The following FMNL2 variants were observed in gnomAD, a reference collection of about 807,000 sequenced individuals.
The protein encoded by FMNL2 is formin like 2, also known as formin-like protein 2.
In FMNL2, 51 loss-of-function variants were observed where a neutral mutation model predicts 130.2. The ratio of observed to expected loss-of-function variants is 0.39; its 90% CI spans 0.31 to 0.49. The LOEUF is 0.49. FMNL2 is among the 20% of genes least tolerant of loss of function. The pLI is 0.85. For synonymous variants in FMNL2, 465 were observed against 467.1 expected (o/e 1.00, Z 0.06); for missense variants, 977 against 1,316.2 (o/e 0.74, Z 3.99).
At chr2:152,633,376 G>A (rs1040128561) in intron 21 of FMNL2, among the ~76,000 whole-genome samples, 17 of 152,158 alleles carry the variant, frequency 1.1e-4, no homozygotes, top group Non-Finnish European at 2.4e-4. Flanking sequence ...GAGTACAGGT[G>A]TGAGTTACCA....
intron 1 of FMNL2, among the ~76,000 whole-genome samples, chr2:152,519,846 A>G (rs2105393415): frequency 6.6e-6 from 1 of 152,226 alleles, no homozygotes; most frequent in Admixed American, 6.5e-5. Context: ...TTATATCTCG[A>G]GATTAGTGAG....
At chr2:152,353,152 C>T (rs1296929590) in intron 1 of FMNL2, among the ~76,000 whole-genome samples, 2 of 152,142 alleles carry the variant, frequency 1.3e-5, no homozygotes, top group East Asian at 3.8e-4. Context: ...TATTTAAAGG[C>T]ATTTATCATA....
rs545949733 is a variant in FMNL2, at chr2:152,596,911, G to A, written c.877-10428G>A. The stretch of plus-strand genomic sequence containing the variant: ...AAAGGTTAGTCACAAAGTAGAATCC[G>A]AAATCGTATCGATGAACTTTTTCCA... On this transcript the variant is annotated intron_variant, in intron 9 of 25. Transcript: ENST00000288670. Among the ~76,000 whole-genome samples, 4 of 152,296 alleles carry A rather than the reference G, an allele frequency of 2.6e-5. No homozygotes were observed. The East Asian group carries it at 5.8e-4, about 22-fold the overall frequency.
intron 1 of FMNL2, among the ~76,000 whole-genome samples, chr2:152,350,565 A>G (rs564434032): frequency 6.6e-6 from 1 of 152,354 alleles, no homozygotes; most frequent in South Asian, 2.1e-4. Flanking sequence ...TCTGAAGGCC[A>G]GTACTTAGAA....
chr2:152,441,790 A>G (rs906902112), intron 1 of FMNL2, among the ~76,000 whole-genome samples: 2 of 151,898 alleles, frequency 1.3e-5, no homozygotes, highest in African/African-American at 4.8e-5. Flanking sequence ...AGCTAAGATC[A>G]TGCCACTGCA....
intron 1 of FMNL2, among the ~76,000 whole-genome samples, chr2:152,380,059 C>G (rs1299140859): frequency 1.3e-5 from 2 of 152,334 alleles, no homozygotes; most frequent in East Asian, 3.9e-4. Flanking sequence ...ATGGATCTAT[C>G]TGGTTAATTG....
chr2:152,625,482 G>T lies in FMNL2; in HGVS notation c.1882G>T (p.Val628Leu), dbSNP rs1681722008. ...AATCAAGACGAAGTTCAGAATGCCA[G>T]TGTTTAACTGGGTTGCTCTGAAGCC... ...KPIKTKFRMP[V>L]FNWVALKPNQ... is the part of the protein sequence containing the mutation. The change falls in exon 16 of 26, where the codon GTG becomes TTG. Residue 628 changes from valine (V) to leucine (L), a missense_variant. This residue lies in a region of FMNL2 where 689 missense variants were observed against 995.9 expected (regional missense o/e 0.69). Transcript: ENST00000288670. The T allele has an allele frequency of 6.2e-7, 1 of 1,611,716 alleles. No individual in the cohort carries two copies.
At chr2:152,392,390 T>C (rs1368152189) in intron 1 of FMNL2, among the ~76,000 whole-genome samples, 7 of 152,182 alleles carry the variant, frequency 4.6e-5, no homozygotes, top group Non-Finnish European at 1.0e-4. Flanking sequence ...GAGATGGTTA[T>C]TCCTTTTTTC....
chr2:152,529,160 AT>A (rs1159643826), intron 2 of FMNL2, among the ~76,000 whole-genome samples: 1 of 152,194 alleles, frequency 6.6e-6, no homozygotes, highest in Non-Finnish European at 1.5e-5. Flanking sequence ...GCCCTTATGT[AT>A]TCATTAATTT....
At position 152,619,033 on chromosome 2, in the gene FMNL2, C is replaced by T. The variant is rs1025133270; in HGVS notation, c.1502C>T (p.Thr501Ile). 2.5e-6 allele frequency: 4 copies of T among 1,613,938 alleles called. No homozygotes were observed. The highest frequency in any genetic ancestry group is 3.4e-6 in the Non-Finnish European group (4 of 1,179,916). ...IAILPVVASG[T>I]LSMGSEVVAG... ...ATACTGCCAGTTGTGGCTTCTGGCA[C>T]ATTGTCCATGGGGTCAGAAGTGGTA... Residue 501 changes from threonine (T) to isoleucine (I), a missense_variant, in exon 14 of 26, where the codon ACA (threonine) becomes ATA (isoleucine). Transcript: ENST00000288670.
chr2:152,536,372 A>C (rs947260154), intron 2 of FMNL2, among the ~76,000 whole-genome samples: 4 of 152,228 alleles, frequency 2.6e-5, no homozygotes, highest in Admixed American at 2.6e-4. Flanking sequence ...TAAATCTTAC[A>C]AATTAGTACT....
At position 152,617,653 on chromosome 2, in the gene FMNL2, A is replaced by G. The variant is rs1471636121; in HGVS notation, c.1314+461A>G. 4.7e-5 allele frequency among the ~76,000 whole-genome samples: 7 copies of G among 148,920 alleles called. No individual in the cohort carries two copies. The East Asian group carries it at 1.4e-3, about 29-fold the overall frequency. On this transcript the variant is annotated intron_variant, in intron 13 of 25. Coordinates refer to ENST00000288670, the MANE Select transcript of FMNL2 (RefSeq NM_052905.4). ...AGGCTAGGCTTAATGGCATTCACCAAAAAAAGGGAGGGGATGTGCAAAGCA... is the reference window on the plus strand; with the variant it reads ...AGGCTAGGCTTAATGGCATTCACCAGAAAAAGGGAGGGGATGTGCAAAGCA...
At position 152,581,822 on chromosome 2, in the gene FMNL2, C is replaced by T. The variant is rs117917642; in HGVS notation, c.876+773C>T. On this transcript the variant is annotated intron_variant, in intron 9 of 25. Coordinates refer to ENST00000288670, the MANE Select transcript of FMNL2 (RefSeq NM_052905.4). ...AGAGAACAGGTGGAAGCCCAGGTTA[C>T]AATAGGACCCTTCGCCAAGTTGTGT... 7.6e-4 allele frequency among the ~76,000 whole-genome samples: 116 copies of T among 152,320 alleles called. 1 individual carries two copies. The East Asian group carries it at 0.022, about 28-fold the overall frequency.
intron 1 of FMNL2, among the ~76,000 whole-genome samples, chr2:152,365,137 T>C (rs1036309139): frequency 2.0e-5 from 3 of 152,134 alleles, no homozygotes; most frequent in Non-Finnish European, 4.4e-5. Flanking sequence ...GGAATATGTA[T>C]TAAATGGGAG....
At chr2:152,425,300 G>A (rs550436990) in intron 1 of FMNL2, among the ~76,000 whole-genome samples, 1 of 152,278 alleles carries the variant, frequency 6.6e-6, no homozygotes, top group Admixed American at 6.5e-5. Flanking sequence ...TAAAGGAATT[G>A]GAGACAGAGT....
At chr2:152,503,584 A>G (rs956618880) in intron 1 of FMNL2, among the ~76,000 whole-genome samples, 3 of 152,140 alleles carry the variant, frequency 2.0e-5, no homozygotes, top group South Asian at 2.1e-4. Context: ...CAAAAAATCT[A>G]TATCACTGGT....
intron 25 of FMNL2, among the ~76,000 whole-genome samples, chr2:152,647,587 C>T (rs1487648805): frequency 1.3e-5 from 2 of 152,174 alleles, no homozygotes; most frequent in Non-Finnish European, 2.9e-5. Flanking sequence ...GTCCTAGAAT[C>T]CTACCAGTAT....
At chr2:152,638,848 C>G (rs1682842266) in intron 23 of FMNL2, among the ~76,000 whole-genome samples, 1 of 152,172 alleles carries the variant, frequency 6.6e-6, no homozygotes, top group African/African-American at 2.4e-5. Flanking sequence ...CACATAAAAA[C>G]ATGTAAGTCT....
At chr2:152,422,458 A>T (rs1378931611) in intron 1 of FMNL2, among the ~76,000 whole-genome samples, 1 of 152,120 alleles carries the variant, frequency 6.6e-6, no homozygotes, top group African/African-American at 2.4e-5. Context: ...TAATGGCTTT[A>T]TTGAGGTATA....
Sources: gnomAD v4.1 joint callset for allele counts (sites outside exome capture counted in the v4.1 genomes callset) on GRCh38, gnomAD v4.1.1 for gene constraint, gnomAD v4.1.1 regional missense constraint, MANE v1.5 for transcripts, NCBI Gene and HGNC (gene_info 2026-07-23, HGNC 2026-07-21) for gene names.